ONECUT3: variants seen among roughly 807,000 people sequenced by gnomAD.
The protein encoded by ONECUT3 is one cut domain family member 3.
Under a neutral mutation model 16.8 loss-of-function variants are expected in ONECUT3, and 11 were observed. The observed-to-expected ratio is 0.66, with a 90% CI of 0.41 to 1.09. The LOEUF (loss-of-function observed/expected upper bound fraction) is 1.09, where lower values mean the gene tolerates loss of function less well. ONECUT3 is among the 50% of genes least tolerant of loss of function. The probability of loss-of-function intolerance (pLI) is 0.00; values close to 1 mark genes in which losing one functional copy is unlikely to be tolerated. For synonymous variants in ONECUT3, 344 were observed against 310.7 expected (o/e 1.11, Z -1.13); for missense variants, 637 against 629.9 (o/e 1.01, Z -0.12).
In ONECUT3 at chr19:1,766,752, G is replaced by A. The variant is rs1170894621; in HGVS notation, c.1193-8401G>A. Among the ~76,000 whole-genome samples the A allele has an allele frequency of 6.6e-6, 1 of 152,000 alleles. No homozygotes were observed. The highest frequency in any genetic ancestry group is 1.5e-5 in the Non-Finnish European group (1 of 67,986). On this transcript the variant is annotated intron_variant, in intron 1 of 1. Transcript: ENST00000382349. This position sits in a 1 kb window ranked among gnomAD's most constrained non-coding sequence, Gnocchi z 4.0. Reference sequence around the variant, plus strand: ...GGGGAGCCCCACTGTCCCACCCGGCGCTCCAGGGCAGTGGCTACTGGTCTT... The same window carrying A: ...GGGGAGCCCCACTGTCCCACCCGGCACTCCAGGGCAGTGGCTACTGGTCTT...
Position 1,775,426 on chromosome 19 carries a change from C to T in ONECUT3, c.1466C>T (p.Ala489Val). ...TAPGGPAGAT[A>V]TFSKA is the part of the protein sequence containing the mutation. ...CCCGGGGGCCCCGCCGGCGCCACGG[C>T]CACTTTCTCCAAGGCCTGAGGCGCC... Residue 489 changes from alanine (A) to valine (V), a missense_variant, in exon 2 of 2, where the codon GCC becomes GTC. Ala to Val is a moderately conservative substitution (Grantham distance 64, BLOSUM62 0). This residue lies in a region of ONECUT3 where 183 missense variants were observed against 188.3 expected (regional missense o/e 0.97). Coordinates refer to ENST00000382349, the MANE Select transcript of ONECUT3 (RefSeq NM_001080488.2). 1 of 1,525,792 alleles carries T rather than the reference C, an allele frequency of 6.6e-7. No individual in the cohort carries two copies. The highest frequency in any genetic ancestry group is 8.8e-7 in the Non-Finnish European group (1 of 1,138,322). The allele number at this position is 1,525,792 out of a possible 1,614,324, so 94.5% of individuals were successfully genotyped here.
In ONECUT3 at chr19:1,779,868, G is replaced by T. The variant is rs370287393; in HGVS notation, c.*4423G>T. 1.3e-5 allele frequency: 2 copies of T among 152,052 alleles called. No individual in the cohort carries two copies. Among genetic ancestry groups the T allele is most frequent in the African/African-American group, 2.4e-5 (1 of 41,340 alleles). The allele number at this position is 152,052 out of a possible 1,614,324, so 9.4% of individuals were successfully genotyped here. ...CTCAGTAGCCGGGTCTCCTCCACCT[G>T]CCTGTCCATCTCCACCCGAGATGCC... On this transcript the variant is annotated 3_prime_UTR_variant, in exon 2 of 2. Transcript: ENST00000382349.
intron 1 of ONECUT3, among the ~76,000 whole-genome samples, chr19:1,761,043 CTCTTTT>C (rs1034182002): frequency 8.1e-6 from 1 of 123,556 alleles, no homozygotes; most frequent in Non-Finnish European, 1.6e-5. Flanking sequence ...TCCATTCCTG[CTCTTTT>C]TTTTTTTTTT....
Position 1,778,350 on chromosome 19 carries a change from T to C in ONECUT3, c.*2905T>C, listed in dbSNP as rs904558167. The stretch of plus-strand genomic sequence containing the variant: ...ACTCCTGGCCCCAAGGGGGTCCTCC[T>C]GCCTCGGCCTCCAAAAGTGCTAGGA... On this transcript the variant is annotated 3_prime_UTR_variant, in exon 2 of 2. Coordinates refer to ENST00000382349, the MANE Select transcript of ONECUT3 (RefSeq NM_001080488.2). 1 of 152,166 alleles carries C rather than the reference T, an allele frequency of 6.6e-6. No homozygotes were observed. Among genetic ancestry groups the C allele is most frequent in the Non-Finnish European group, 1.5e-5 (1 of 68,028 alleles). The allele number at this position is 152,166 out of a possible 1,614,324, so 9.4% of individuals were successfully genotyped here. A position where few individuals can be genotyped will look rare whatever the true frequency, so the allele number is the denominator to read the frequency against.
chr19:1,753,968 C>G lies in ONECUT3; in HGVS notation c.306C>G (p.Gly102=), dbSNP rs958288166. Residue 102 remains glycine, a synonymous_variant, in exon 1 of 2, where the codon GGC becomes GGG. Transcript: ENST00000382349. ...MGMACEAPGL[G]GTYTTLTPLQ... is the part of the protein sequence containing the mutation. ...TGGCCTGCGAGGCGCCGGGCCTGGG[C>G]GGCACCTACACGACGCTCACGCCCC... 28 of 993,444 alleles carry G rather than the reference C, an allele frequency of 2.8e-5. 1 individual carries two copies. The South Asian group carries it at 7.7e-4, about 27-fold the overall frequency. 61.5% of individuals were successfully genotyped at this position (993,444 alleles called of 1,614,324 possible). A position where few individuals can be genotyped will look rare whatever the true frequency, so the allele number is the denominator to read the frequency against.
At chr19:1,763,389 A>AAAAAAAAAAAAAAAAAAC (rs2067957880) in intron 1 of ONECUT3, among the ~76,000 whole-genome samples, 1 of 141,166 alleles carries the variant, frequency 7.1e-6, no homozygotes, top group Non-Finnish European at 1.5e-5. Flanking sequence ...AAAAAAAAAA[A>AAAAAAAAAAAAAAAAAAC]AAAAAAATTA....
chr19:1,773,485 T>C (rs565018700), intron 1 of ONECUT3, among the ~76,000 whole-genome samples: 1 of 152,294 alleles, frequency 6.6e-6, no homozygotes, highest in Admixed American at 6.5e-5. Flanking sequence ...GGAACATTCA[T>C]TTATTTCTGT....
In ONECUT3 at chr19:1,755,963, G is replaced by A. The variant is rs1312379766; in HGVS notation, c.1192+1109G>A. ...TGCTGGGGAGGGGGCTGTCCACCCG[G>A]GCCACAGGGACAATAGCCGCGGCGG... On this transcript the variant is annotated intron_variant, in intron 1 of 1. Transcript: ENST00000382349. The surrounding 1 kb of genome is among the most constrained non-coding windows in gnomAD (Gnocchi z 7.5). Among the ~76,000 whole-genome samples, 1 of 152,164 alleles carries A rather than the reference G, an allele frequency of 6.6e-6. No homozygotes were observed. The highest frequency in any genetic ancestry group is 1.5e-5 in the Non-Finnish European group (1 of 68,026).
chr19:1,754,100 C>T lies in ONECUT3; in HGVS notation c.438C>T (p.His146=). 3 of 1,016,544 alleles carry T rather than the reference C, an allele frequency of 3.0e-6. No individual in the cohort carries two copies. Among genetic ancestry groups the T allele is most frequent in the Non-Finnish European group, 3.5e-6 (3 of 853,050 alleles). 63.0% of individuals were successfully genotyped at this position (1,016,544 alleles called of 1,614,324 possible). ...GCGGCCATCCCCACGCGCACCCGCA[C>T]CCGGCGGCCGCGCCGCCCCCGCCAC... is the stretch of plus-strand genomic sequence containing the variant. ...AHGGHPHAHP[H]PAAAPPPPPP... Residue 146 remains histidine, a synonymous_variant, in exon 1 of 2, where the codon CAC becomes CAT. Transcript: ENST00000382349. This position sits in a 1 kb window ranked among gnomAD's most constrained non-coding sequence, Gnocchi z 7.4.
intron 1 of ONECUT3, among the ~76,000 whole-genome samples, chr19:1,771,288 AC>A (rs1274883052): frequency 1.3e-5 from 2 of 152,110 alleles, no homozygotes; most frequent in Admixed American, 1.3e-4. Context: ...AGGTTGGATC[AC>A]ATTTTCTGAA....
intron 1 of ONECUT3, among the ~76,000 whole-genome samples, chr19:1,768,855 C>T (rs146880485): frequency 2.0e-4 from 8 of 39,882 alleles, no homozygotes; most frequent in African/African-American, 5.5e-4. Context: ...AAGGTGGAGA[C>T]GATGGAGGAG....
At chr19:1,770,788 C>T (rs867797810) in intron 1 of ONECUT3, among the ~76,000 whole-genome samples, 130 of 152,268 alleles carry the variant, frequency 8.5e-4, no homozygotes, top group African/African-American at 3.0e-3. Context: ...CATTTCCTTC[C>T]ATGTTTCTTT....
In ONECUT3 at chr19:1,754,178, C is replaced by T. The variant is rs1220876478; in HGVS notation, c.516C>T (p.Arg172=). Residue 172 remains arginine (R), a synonymous_variant, in exon 1 of 2, where the codon CGC becomes CGT. Coordinates refer to ENST00000382349, the MANE Select transcript of ONECUT3 (RefSeq NM_001080488.2). This position sits in a 1 kb window ranked among gnomAD's most constrained non-coding sequence, Gnocchi z 7.4. The part of the protein sequence containing the change: ...ASVSGSFTLM[R]DERAALASVG... ...TGAGCGGCAGCTTCACCCTCATGCG[C>T]GACGAGCGGGCGGCGCTCGCCTCCG... 3 of 1,150,834 alleles carry T rather than the reference C, an allele frequency of 2.6e-6. No individual in the cohort carries two copies. The East Asian group carries it at 2.1e-4, about 80-fold the overall frequency. 71.3% of individuals were successfully genotyped at this position (1,150,834 alleles called of 1,614,324 possible).
At position 1,762,304 on chromosome 19, in the gene ONECUT3, A is replaced by G. The variant is rs1391236894; in HGVS notation, c.1192+7450A>G. Among the ~76,000 whole-genome samples the G allele has an allele frequency of 6.6e-6, 1 of 152,116 alleles. No individual in the cohort carries two copies. The highest frequency in any genetic ancestry group is 6.5e-5 in the Admixed American group (1 of 15,288). On this transcript the variant is annotated intron_variant, in intron 1 of 1. Coordinates refer to ENST00000382349, the MANE Select transcript of ONECUT3 (RefSeq NM_001080488.2). The surrounding 1 kb of genome is among the most constrained non-coding windows in gnomAD (Gnocchi z 4.4). Reference sequence around the variant, plus strand: ...CCCTCCTCTCTGGGAGTCGGGACAGAAGCTGCTGGGCTCTCCTCCCTGGAG... The same window carrying G: ...CCCTCCTCTCTGGGAGTCGGGACAGGAGCTGCTGGGCTCTCCTCCCTGGAG...
In ONECUT3 at chr19:1,754,930, C is replaced by G; in HGVS notation, c.1192+76C>G. On this transcript the variant is annotated intron_variant, in intron 1 of 1. Transcript: ENST00000382349. This position sits in a 1 kb window ranked among gnomAD's most constrained non-coding sequence, Gnocchi z 7.4. ...CCCGAGCACCTAGCGGGGCGGCGGC[C>G]GATGCCCGGGGCCAGCGCCCCAAGC... The G allele has an allele frequency of 7.8e-7, 1 of 1,281,684 alleles. No individual in the cohort carries two copies. The allele number at this position is 1,281,684 out of a possible 1,614,324, so 79.4% of individuals were successfully genotyped here.
rs890727659 is a variant in ONECUT3, at chr19:1,755,607, G to T, written c.1192+753G>T. ...GGCTCGGGTGCGCGCGCCCCTGCCCGCCTGGCTTTGGGGTTTTGTGTCTCT... is the reference window on the plus strand; with the variant it reads ...GGCTCGGGTGCGCGCGCCCCTGCCCTCCTGGCTTTGGGGTTTTGTGTCTCT... On this transcript the variant is annotated intron_variant, in intron 1 of 1. Transcript: ENST00000382349. The surrounding 1 kb of genome is among the most constrained non-coding windows in gnomAD (Gnocchi z 7.5). 6.6e-6 allele frequency among the ~76,000 whole-genome samples: 1 copy of T among 152,128 alleles called. No individual in the cohort carries two copies. Among genetic ancestry groups the T allele is most frequent in the African/African-American group, 2.4e-5 (1 of 41,438 alleles).
At chr19:1,763,811 G>A (rs1036139447) in intron 1 of ONECUT3, among the ~76,000 whole-genome samples, 12 of 150,460 alleles carry the variant, frequency 8.0e-5, no homozygotes, top group African/African-American at 2.4e-4. Context: ...CGTGAAGCGC[G>A]CATCCTGGTC....
rs1203133290 is a variant in ONECUT3, at chr19:1,754,242, G to A, written c.580G>A (p.Ala194Thr). 2 of 1,074,690 alleles carry A rather than the reference G, an allele frequency of 1.9e-6. No individual in the cohort carries two copies. The highest frequency in any genetic ancestry group is 2.3e-6 in the Non-Finnish European group (2 of 888,840). 66.6% of individuals were successfully genotyped at this position (1,074,690 alleles called of 1,614,324 possible). A position where few individuals can be genotyped will look rare whatever the true frequency, so the allele number is the denominator to read the frequency against. ...CGGACCCTACGGCAAGGAGCTGCCC[G>A]CCATGGGGTCGCCGCTGTCGCCGCT... ...LYGPYGKELP[A>T]MGSPLSPLPN... The change falls in exon 1 of 2, where the codon GCC (alanine) becomes ACC (threonine). Residue 194 changes from alanine (A) to threonine (T), a missense_variant. Around this residue, in one of 3 missense-constraint regions of ONECUT3, gnomAD observed 419 missense variants for 377.9 expected, o/e 1.11. Coordinates refer to ENST00000382349, the MANE Select transcript of ONECUT3 (RefSeq NM_001080488.2). This position sits in a 1 kb window ranked among gnomAD's most constrained non-coding sequence, Gnocchi z 7.4.
Position 1,762,598 on chromosome 19 carries a change from C to A in ONECUT3, c.1192+7744C>A, listed in dbSNP as rs948907638. Reference sequence around the variant, plus strand: ...ATCCCAGAGCGCGCCCGGCCCCCAACAGCCTGACAGGACCTGGACGCACGT... The same window carrying A: ...ATCCCAGAGCGCGCCCGGCCCCCAAAAGCCTGACAGGACCTGGACGCACGT... On this transcript the variant is annotated intron_variant, in intron 1 of 1. Coordinates refer to ENST00000382349, the MANE Select transcript of ONECUT3 (RefSeq NM_001080488.2). This position sits in a 1 kb window ranked among gnomAD's most constrained non-coding sequence, Gnocchi z 4.4. 5.4e-4 allele frequency among the ~76,000 whole-genome samples: 82 copies of A among 152,188 alleles called. 1 individual carries two copies. Among genetic ancestry groups the A allele is most frequent in the African/African-American group, 1.9e-3 (77 of 41,506 alleles).
Sources: allele counts gnomAD v4.1 joint callset (sites outside exome capture counted in the v4.1 genomes callset), GRCh38; gene constraint gnomAD v4.1.1; regional missense constraint gnomAD v4.1.1; non-coding constraint Gnocchi (gnomAD v3.1); transcripts MANE v1.5; gene names NCBI Gene and HGNC (gene_info 2026-07-23, HGNC 2026-07-21).